Variants in RNF168 observed in about 807,000 individuals in gnomAD.
RNF168 encodes the protein ring finger protein 168, also known as E3 ubiquitin-protein ligase RNF168.
In RNF168, 34 loss-of-function variants were observed where a neutral mutation model predicts 34.9. That is an observed-to-expected ratio of 0.97 (90% CI 0.74 to 1.30). RNF168 has a LOEUF of 1.30. Among genes scored for constraint, RNF168 ranks in the 50% most tolerant of loss-of-function variants. The probability of loss-of-function intolerance (pLI) is 0.00; values close to 1 mark genes in which losing one functional copy is unlikely to be tolerated. For synonymous variants in RNF168, 264 were observed against 254.7 expected, an observed-to-expected ratio of 1.04 and a Z score of -0.35; for missense variants, 725 against 682.5, an observed-to-expected ratio of 1.06 and a Z score of -0.69.
chr3:196,479,189 T>C lies in RNF168; in HGVS notation c.681-3877A>G, dbSNP rs560501106. Among the ~76,000 whole-genome samples the C allele has an allele frequency of 3.2e-4, 47 of 148,318 alleles. 1 individual carries two copies. Among genetic ancestry groups the C allele is most frequent in the Middle Eastern group, 7.6e-3 (2 of 262 alleles). On this transcript the variant is annotated intron_variant, in intron 4 of 5. Transcript: ENST00000318037. Reference sequence around the variant, plus strand: ...CACCACACCCGGCTAATTTTTGTATTTTTAGTAGAGATGGGGTTTCGCCAT... The same window carrying C: ...CACCACACCCGGCTAATTTTTGTATCTTTAGTAGAGATGGGGTTTCGCCAT...
intron 1 of RNF168, among the ~76,000 whole-genome samples, chr3:196,499,881 T>C (rs755591961): frequency 6.6e-6 from 1 of 152,194 alleles, no homozygotes; most frequent in Non-Finnish European, 1.5e-5. Context: ...GATATACAAA[T>C]GGCCAATAAA....
chr3:196,471,925 G>A lies in RNF168; in HGVS notation c.1610C>T (p.Pro537Leu). 6.2e-7 allele frequency: 1 copy of A among 1,613,618 alleles called. No homozygotes were observed. The change falls in exon 6 of 6, where the codon CCA (proline) becomes CTA (leucine). Residue 537 changes from proline (P) to leucine (L), a missense_variant. Pro to Leu is a moderately conservative substitution (Grantham distance 98, BLOSUM62 -3). Transcript: ENST00000318037. ...LKQSVNRRKM[P>L]NSTRDHCKVS... ...CTTACAGTGATCTCTAGTAGAATTT[G>A]GCATCTTTCTTCTATTAACTGACTG...
At chr3:196,475,519 A>C in intron 4 of RNF168, 1 of 547,564 alleles carries the variant, frequency 1.8e-6, no homozygotes, top group Non-Finnish European at 3.2e-6. Flanking sequence ...GAAAAACAGA[A>C]AAGGAAGTAA....
chr3:196,480,002 C>T (rs991555514), intron 4 of RNF168, among the ~76,000 whole-genome samples: 5 of 152,096 alleles, frequency 3.3e-5, no homozygotes, highest in Admixed American at 1.3e-4. Context: ...CAGTACAGCA[C>T]GGTCACGGGG....
rs1402725603 is a variant in RNF168 at position 196,472,919 on chromosome 3, T to C, written c.763-147A>G. 11 of 576,016 alleles carry C rather than the reference T, an allele frequency of 1.9e-5. No homozygotes were observed. The South Asian group carries it at 2.5e-4, about 13-fold the overall frequency. The allele number at this position is 576,016 out of a possible 1,614,324, so 35.7% of individuals were successfully genotyped here. On this transcript the variant is annotated intron_variant, in intron 5 of 5. Coordinates refer to ENST00000318037, the MANE Select transcript of RNF168 (RefSeq NM_152617.4). ...TATATTTCTTTCTTTCTTTTCTTTT[T>C]TTTTCAGAGTCTTGCTCTGTCGCCC...
chr3:196,481,583 A>G (rs1732290536), intron 4 of RNF168, among the ~76,000 whole-genome samples: 1 of 151,282 alleles, frequency 6.6e-6, no homozygotes, highest in South Asian at 2.1e-4. Context: ...TGTATTTCAT[A>G]TTTATACAGC....
chr3:196,493,369 T>C (rs1179351350), intron 1 of RNF168, among the ~76,000 whole-genome samples: 1 of 152,190 alleles, frequency 6.6e-6, no homozygotes, highest in African/African-American at 2.4e-5. Context: ...TTTTCTTTTG[T>C]TTTTGGAAAC....
At chr3:196,497,351 T>C (rs1038000180) in intron 1 of RNF168, among the ~76,000 whole-genome samples, 1 of 152,010 alleles carries the variant, frequency 6.6e-6, no homozygotes, top group Non-Finnish European at 1.5e-5. Flanking sequence ...CAAAATTAAT[T>C]TGAAATGGAT....
At position 196,472,139 on chromosome 3, in the gene RNF168, G is replaced by A. The variant is rs769195324; in HGVS notation, c.1396C>T (p.Arg466Trp). Residue 466 changes from arginine (R) to tryptophan (W), a missense_variant, in exon 6 of 6, where the codon CGG becomes TGG. Transcript: ENST00000318037. ...TACTCATCTGGGGATCCTTTTTGCC[G>A]GTTTGGCACCATTTGCTCTTTATCC... is the stretch of plus-strand genomic sequence containing the variant. ...EVDKEQMVPN[R>W]QKGSPDEYHL... is the part of the protein sequence containing the mutation. The A allele has an allele frequency of 1.2e-5, 19 of 1,613,730 alleles. No individual in the cohort carries two copies. The highest frequency in any genetic ancestry group is 6.7e-5 in the Admixed American group (4 of 59,926).
intron 4 of RNF168, 162 bp from the exon 5 acceptor site, chr3:196,475,474 A>G: frequency 3.1e-6 from 2 of 645,200 alleles, no homozygotes; most frequent in Non-Finnish European, 5.6e-6. Context: ...CAATTCCAGG[A>G]CAAAACTTAA....
At position 196,470,233 on chromosome 3, in the gene RNF168, G is replaced by C. The variant is rs28625638; in HGVS notation, c.*1586C>G. 0.12 allele frequency: 18,214 copies of C among 149,862 alleles called. 1,332 individuals are homozygous for C. The highest frequency in any genetic ancestry group is 0.21 in the Middle Eastern group (60 of 288). The allele number at this position is 149,862 out of a possible 1,614,324, so 9.3% of individuals were successfully genotyped here. ...TCCAGACTGTCAGTCACCCCATCCA[G>C]CCACATCCTCATCTGGACCAGTTTC... On this transcript the variant is annotated 3_prime_UTR_variant, in exon 6 of 6. Transcript: ENST00000318037.
Position 196,502,599 on chromosome 3 carries a change from AAAG to A in RNF168, c.301+271_301+273del, listed in dbSNP as rs202034481. On this transcript the variant is annotated intron_variant, in intron 1 of 5. Coordinates refer to ENST00000318037, the MANE Select transcript of RNF168 (RefSeq NM_152617.4). ...CGAGATCCTGTCTCAAAAAAAAAAA[AAAG>A]AAGGCTCCAGACGGGCAATTCTTTA... Among the ~76,000 whole-genome samples, 1,241 of 151,906 alleles carry A rather than the reference AAAG, an allele frequency of 8.2e-3. 22 individuals carry two copies. The highest frequency in any genetic ancestry group is 0.028 in the African/African-American group (1,170 of 41,330).
Position 196,472,700 on chromosome 3 carries a change from G to T in RNF168, c.835C>A (p.Pro279Thr), listed in dbSNP as rs950394866. Residue 279 changes from proline to threonine, a missense_variant, in exon 6 of 6, where the codon CCA (proline) becomes ACA (threonine). By Grantham distance (38) the Pro-to-Thr change is conservative. Transcript: ENST00000318037. Reference sequence around the variant, plus strand: ...TCTCCAACTCCAAGGGATATCTGTGGAGAAAGTGTCGGCATATCTTCTATT... The same window carrying T: ...TCTCCAACTCCAAGGGATATCTGTGTAGAAAGTGTCGGCATATCTTCTATT... ...TEIEDMPTLS[P>T]QISLGVGEQG... The T allele has an allele frequency of 1.2e-6, 2 of 1,606,868 alleles. No individual in the cohort carries two copies. The highest frequency in any genetic ancestry group is 1.7e-6 in the Non-Finnish European group (2 of 1,173,880).
At chr3:196,501,522 T>G (rs759990040) in intron 1 of RNF168, among the ~76,000 whole-genome samples, 1 of 152,052 alleles carries the variant, frequency 6.6e-6, no homozygotes, top group African/African-American at 2.4e-5. Context: ...GCCAGATTCA[T>G]AGAGACAGAA....
At position 196,503,190 on chromosome 3, in the gene RNF168, A is replaced by G. The variant is rs1468343522; in HGVS notation, c.-17T>C. ...TAGAGCCATTTCAATATGTTAGTAA[A>G]GCCGACTAAACAACGACACCTGCAC... On this transcript the variant is annotated 5_prime_UTR_variant, in exon 1 of 6. Coordinates refer to ENST00000318037, the MANE Select transcript of RNF168 (RefSeq NM_152617.4). 3 of 1,611,888 alleles carry G rather than the reference A, an allele frequency of 1.9e-6. No homozygotes were observed. Among genetic ancestry groups the G allele is most frequent in the Non-Finnish European group, 2.5e-6 (3 of 1,178,168 alleles).
At chr3:196,484,991 C>T (rs1331757246) in intron 3 of RNF168, among the ~76,000 whole-genome samples, 1 of 152,116 alleles carries the variant, frequency 6.6e-6, no homozygotes, top group Non-Finnish European at 1.5e-5. Flanking sequence ...TATATAATTA[C>T]TTTTATCTAT....
intron 2 of RNF168, 26 bp downstream of exon 2, chr3:196,488,579 CCA>C: frequency 8.1e-7 from 1 of 1,234,178 alleles, no homozygotes; most frequent in Non-Finnish European, 1.1e-6. Flanking sequence ...GAGAAATATT[CCA>C]AAAAAAAAAA....
chr3:196,491,377 A>G (rs1004414231), intron 1 of RNF168, among the ~76,000 whole-genome samples: 11 of 149,912 alleles, frequency 7.3e-5, no homozygotes, highest in African/African-American at 2.7e-4. Context: ...GGCCGGGCAC[A>G]GTGGCTCATG....
At chr3:196,490,851 ATGG>A (rs1176213271) in intron 1 of RNF168, among the ~76,000 whole-genome samples, 1 of 152,180 alleles carries the variant, frequency 6.6e-6, no homozygotes, top group Non-Finnish European at 1.5e-5. Flanking sequence ...AGACAATACA[ATGG>A]TATACACAGG....
Sources: gnomAD v4.1 joint callset for allele counts (sites outside exome capture counted in the v4.1 genomes callset) on GRCh38, gnomAD v4.1.1 for gene constraint, MANE v1.5 for transcripts, NCBI Gene and HGNC (gene_info 2026-07-23, HGNC 2026-07-21) for gene names.